Variants in RBFOX1 observed in about 807,000 individuals in gnomAD.
The protein encoded by RBFOX1 is RNA binding protein fox-1 homolog 1.
Under a neutral mutation model 57.7 loss-of-function variants are expected in RBFOX1, and 8 were observed. The ratio of observed to expected loss-of-function variants is 0.14; its 90% CI spans 0.08 to 0.25. The LOEUF is 0.25. RBFOX1 is among the 10% of genes least tolerant of loss of function. The pLI is 1.00. For missense variants in RBFOX1, 611 were observed against 548.5 expected (o/e 1.11, Z -1.14); for synonymous variants, 326 against 222.4 (o/e 1.47, Z -4.15).
chr16:5,948,734 T>C (rs2059455930), intron 4 of RBFOX1, among the ~76,000 whole-genome samples: 1 of 152,144 alleles, frequency 6.6e-6, no homozygotes. Flanking sequence ...ACCCTACCAG[T>C]GCTTTGATTT....
At chr16:7,602,145 A>T (rs2095057195) in intron 9 of RBFOX1, among the ~76,000 whole-genome samples, 2 of 152,232 alleles carry the variant, frequency 1.3e-5, no homozygotes, top group African/African-American at 4.8e-5. Flanking sequence ...TTGTGTACAC[A>T]TTCAGACTTG....
At chr16:6,579,608 C>A (rs1290003841) in intron 2 of RBFOX1, among the ~76,000 whole-genome samples, 1 of 152,166 alleles carries the variant, frequency 6.6e-6, no homozygotes, top group East Asian at 1.9e-4. Context: ...CTGTTTGCTT[C>A]CCCTTCCGCC....
chr16:6,615,958 C>G (rs934796089), intron 2 of RBFOX1, among the ~76,000 whole-genome samples: 1 of 152,144 alleles, frequency 6.6e-6, no homozygotes, highest in African/African-American at 2.4e-5. Flanking sequence ...TGGTACCGGT[C>G]CCTTGACGTT....
At chr16:5,357,198 A>G (rs1018316711) in intron 1 of RBFOX1, among the ~76,000 whole-genome samples, 1 of 152,114 alleles carries the variant, frequency 6.6e-6, no homozygotes. Flanking sequence ...TTGCCACATG[A>G]TGTAGCAGTG....
At chr16:6,439,976 C>G (rs1305646093) in intron 2 of RBFOX1, among the ~76,000 whole-genome samples, 1 of 79,708 alleles carries the variant, frequency 1.3e-5, no homozygotes, top group Non-Finnish European at 2.6e-5. Context: ...GGCCATTAGT[C>G]TTACTCTGTC....
chr16:6,018,966 A>AAT, upstream of RBFOX1: 1 of 495,054 alleles, frequency 2.0e-6, no homozygotes, highest in Non-Finnish European at 2.6e-6. Flanking sequence ...TGCACGCGTG[A>AAT]CCGCGGCGGC....
intron 1 of RBFOX1, among the ~76,000 whole-genome samples, chr16:5,290,605 G>A (rs1307603728): frequency 6.6e-6 from 1 of 152,114 alleles, no homozygotes; most frequent in African/African-American, 2.4e-5. Context: ...CACTTAAGGA[G>A]AGGCCTAGGG....
At chr16:6,085,375 C>G (rs375688672) in intron 1 of RBFOX1, among the ~76,000 whole-genome samples, 1 of 152,164 alleles carries the variant, frequency 6.6e-6, no homozygotes, top group Non-Finnish European at 1.5e-5. Context: ...CGGGTTCAAG[C>G]GATTCTCCTG....
chr16:7,002,343 CAT>C (rs1414425144), intron 3 of RBFOX1, among the ~76,000 whole-genome samples: 11 of 152,206 alleles, frequency 7.2e-5, no homozygotes, highest in Non-Finnish European at 8.8e-5. Flanking sequence ...TGTGTGAGCA[CAT>C]GTGTTTACAC....
chr16:6,918,357 C>T (rs111907881), intron 3 of RBFOX1, among the ~76,000 whole-genome samples: 3,592 of 151,894 alleles, frequency 0.024, 123 homozygotes, highest in African/African-American at 0.079. Flanking sequence ...GGGCTTGGTG[C>T]CATTGTTTAT....
At chr16:5,592,265 C>T (rs1374818450) in intron 2 of RBFOX1, among the ~76,000 whole-genome samples, 1 of 151,986 alleles carries the variant, frequency 6.6e-6, no homozygotes, top group Non-Finnish European at 1.5e-5. Context: ...TTTTAATTTT[C>T]TCAGATTGCC....
chr16:7,253,190 C>T (rs1039597984), intron 4 of RBFOX1, among the ~76,000 whole-genome samples: 31 of 152,184 alleles, frequency 2.0e-4, no homozygotes, highest in African/African-American at 6.5e-4. Context: ...TTGGAAGAAG[C>T]AGAGACCAAG....
At chr16:6,177,508 A>G (rs2097021769) in intron 1 of RBFOX1, among the ~76,000 whole-genome samples, 1 of 152,092 alleles carries the variant, frequency 6.6e-6, no homozygotes, top group Non-Finnish European at 1.5e-5. Context: ...CATAACAAAT[A>G]TATATTGTAT....
chr16:5,494,695 A>G (rs2151680102), intron 2 of RBFOX1, among the ~76,000 whole-genome samples: 1 of 152,300 alleles, frequency 6.6e-6, no homozygotes, highest in Admixed American at 6.5e-5. Flanking sequence ...CTGTGGGGTT[A>G]CTGAAGACTA....
intron 2 of RBFOX1, among the ~76,000 whole-genome samples, chr16:5,489,897 C>G (rs1398269218): frequency 2.6e-5 from 4 of 152,246 alleles, no homozygotes; most frequent in African/African-American, 4.8e-5. Context: ...AGCTGGCAAC[C>G]TTCTTGGCAC....
chr16:6,743,802 T>A (rs2072901582), intron 3 of RBFOX1, among the ~76,000 whole-genome samples: 1 of 127,830 alleles, frequency 7.8e-6, no homozygotes, highest in Non-Finnish European at 1.7e-5. Context: ...AAATGTTCAT[T>A]ATTTTTTCTC....
At chr16:5,714,224 A>G (rs926520449) in intron 3 of RBFOX1, among the ~76,000 whole-genome samples, 3 of 152,122 alleles carry the variant, frequency 2.0e-5, no homozygotes, top group African/African-American at 7.2e-5. Flanking sequence ...GTGCTCTCCC[A>G]TTGTGAATCT....
chr16:6,563,943 C>T (rs2097220121), intron 2 of RBFOX1, among the ~76,000 whole-genome samples: 1 of 151,488 alleles, frequency 6.6e-6, no homozygotes. Context: ...ATTAGGTCTG[C>T]CTGCCACAGT....
rs147641528 is a variant in RBFOX1, at chr16:6,481,096, G to C, written c.-64+164039G>C. ...GGTATGCACATTTTCCATTTTAATAGGTACTAGTAAATCAGCTTCCCGAGA... is the reference window on the plus strand; with the variant it reads ...GGTATGCACATTTTCCATTTTAATACGTACTAGTAAATCAGCTTCCCGAGA... On this transcript the variant is annotated intron_variant, in intron 2 of 15. Transcript: ENST00000550418. Among the ~76,000 whole-genome samples the C allele has an allele frequency of 2.2e-3, 336 of 152,286 alleles. 1 individual carries two copies. Among genetic ancestry groups the C allele is most frequent in the African/African-American group, 7.7e-3 (322 of 41,556 alleles).
Sources: allele counts gnomAD v4.1 joint callset (sites outside exome capture counted in the v4.1 genomes callset), GRCh38; gene constraint gnomAD v4.1.1; transcripts MANE v1.5; gene names NCBI Gene and HGNC (gene_info 2026-07-23, HGNC 2026-07-21).